The following VPS13D variants were observed in gnomAD, a reference collection of about 807,000 sequenced individuals.
VPS13D encodes the protein intermembrane lipid transfer protein VPS13D.
In VPS13D, 187 loss-of-function variants were observed where a neutral mutation model predicts 461.9. That is an observed-to-expected ratio of 0.40 (90% confidence interval 0.36 to 0.46). VPS13D has a LOEUF of 0.46. VPS13D is among the 20% of genes least tolerant of loss of function. The probability of loss-of-function intolerance (pLI) is 0.60; values close to 1 mark genes in which losing one functional copy is unlikely to be tolerated. For synonymous variants in VPS13D, 1,951 were observed against 1,986.3 expected (o/e 0.98, Z 0.47); for missense variants, 4,711 against 5,364.9 (o/e 0.88, Z 3.81).
At chr1:12,238,535 CTAA>C (rs1055484031) in intron 2 of VPS13D, among the ~76,000 whole-genome samples, 5 of 151,274 alleles carry the variant, frequency 3.3e-5, no homozygotes, top group African/African-American at 9.7e-5. Flanking sequence ...AATTGAGAAA[CTAA>C]TATTATTTAT....
At chr1:12,489,561 A>G (rs1381024985) in intron 67 of VPS13D, among the ~76,000 whole-genome samples, 1 of 152,218 alleles carries the variant, frequency 6.6e-6, no homozygotes, top group Non-Finnish European at 1.5e-5. Context: ...CAAGAAAGCA[A>G]AGGGGAAAGG....
chr1:12,405,384 G>T (rs566155007), intron 63 of VPS13D, among the ~76,000 whole-genome samples: 4 of 152,340 alleles, frequency 2.6e-5, no homozygotes, highest in African/African-American at 9.6e-5. Flanking sequence ...ATGTGGCCGT[G>T]TCTGCCAACT....
In VPS13D at chr1:12,308,355, A is replaced by T. The variant is rs1007773184; in HGVS notation, c.6440-76A>T. 4 of 1,482,656 alleles carry T rather than the reference A, an allele frequency of 2.7e-6. No homozygotes were observed. The African/African-American group carries it at 5.6e-5, about 21-fold the overall frequency. The allele number at this position is 1,482,656 out of a possible 1,614,324, so 91.8% of individuals were successfully genotyped here. ...TTTTCAAAGACAGAATGAGCTTTGC[A>T]TTTTTTATTTGTTTAGTGCAACCCC... On this transcript the variant is annotated intron_variant, in intron 26 of 69. Coordinates refer to ENST00000620676, the MANE Select transcript of VPS13D (RefSeq NM_015378.4).
At chr1:12,434,840 C>G (rs771643671) in intron 65 of VPS13D, among the ~76,000 whole-genome samples, 1 of 152,198 alleles carries the variant, frequency 6.6e-6, no homozygotes, top group Non-Finnish European at 1.5e-5. Flanking sequence ...CAAAAGCCAA[C>G]AACCTGTTTC....
chr1:12,307,214 A>C lies in VPS13D; in HGVS notation c.6440-1217A>C, dbSNP rs552994166. ...CTCCTACAGTGCTACTTATAGACTA[A>C]TGAAAAAGACATTGAGCATTTAAAT... is the stretch of plus-strand genomic sequence containing the variant. On this transcript the variant is annotated intron_variant, in intron 26 of 69. Transcript: ENST00000620676. Among the ~76,000 whole-genome samples, 65 of 152,354 alleles carry C rather than the reference A, an allele frequency of 4.3e-4. 2 individuals are homozygous for C. In the South Asian group the frequency reaches 0.013, roughly 31 times the overall value.
intron 39 of VPS13D, chr1:12,336,033 C>A: frequency 1.7e-6 from 1 of 604,972 alleles, no homozygotes; most frequent in Non-Finnish European, 2.7e-6. Context: ...TGTAATTCCA[C>A]CTTTGCGGGG....
intron 52 of VPS13D, among the ~76,000 whole-genome samples, chr1:12,364,427 A>G (rs907408077): frequency 1.5e-4 from 23 of 152,230 alleles, no homozygotes; most frequent in African/African-American, 4.6e-4. Context: ...ACCTTTGGCT[A>G]TCATGAACTG....
intron 41 of VPS13D, among the ~76,000 whole-genome samples, chr1:12,342,153 A>T (rs2101577095): frequency 6.6e-6 from 1 of 152,328 alleles, no homozygotes; most frequent in East Asian, 1.9e-4. Context: ...AGCAGGAAGT[A>T]TGAAAAAGCC....
intron 69 of VPS13D, among the ~76,000 whole-genome samples, chr1:12,508,379 G>C (rs1462351335): frequency 6.6e-6 from 1 of 152,030 alleles, no homozygotes; most frequent in Non-Finnish European, 1.5e-5. Context: ...AATGTCAGGT[G>C]AGTATGGGTT....
intron 49 of VPS13D, 51 bp downstream of exon 49, chr1:12,356,575 G>A: frequency 6.3e-7 from 1 of 1,594,604 alleles, no homozygotes; most frequent in Non-Finnish European, 8.5e-7. Context: ...GGGAAGGGAA[G>A]AAATTAGTAA....
intron 22 of VPS13D, among the ~76,000 whole-genome samples, chr1:12,289,347 T>C (rs1361496003): frequency 6.6e-6 from 1 of 152,186 alleles, no homozygotes; most frequent in Non-Finnish European, 1.5e-5. Flanking sequence ...CCTCCCAAAG[T>C]GCTGGGATTA....
At chr1:12,492,146 C>T (rs960104377) in intron 67 of VPS13D, among the ~76,000 whole-genome samples, 2 of 152,358 alleles carry the variant, frequency 1.3e-5, no homozygotes, top group African/African-American at 4.8e-5. Context: ...AACAAAGCCA[C>T]CAGGGAGGCC....
At chr1:12,323,586 T>G (rs1643101009) in intron 34 of VPS13D, 120 bp from the exon 35 acceptor site, 1 of 960,924 alleles carries the variant, frequency 1.0e-6, no homozygotes, top group African/African-American at 1.7e-5. Flanking sequence ...CAGTTTTGCT[T>G]AGAGAAATGA....
At chr1:12,287,356 CCTTTTTT>C (rs1165421438) in intron 21 of VPS13D, among the ~76,000 whole-genome samples, 1 of 152,162 alleles carries the variant, frequency 6.6e-6, no homozygotes, top group East Asian at 1.9e-4. Context: ...CTATTACATT[CCTTTTTT>C]CTTTTCCCAT....
chr1:12,363,382 G>A (rs1344593561), intron 52 of VPS13D, 135 bp downstream of exon 52: 2 of 875,886 alleles, frequency 2.3e-6, no homozygotes, highest in African/African-American at 3.4e-5. Context: ...CAAAGTCCAG[G>A]GAAGTGTGAG....
At chr1:12,416,519 A>T in intron 64 of VPS13D, 141 bp from the exon 65 acceptor site, 1 of 892,138 alleles carries the variant, frequency 1.1e-6, no homozygotes, top group Non-Finnish European at 1.7e-6. Flanking sequence ...GTTGATGAAG[A>T]TTAAAAGCTT....
chr1:12,388,864 T>C (rs1644385226), intron 60 of VPS13D, among the ~76,000 whole-genome samples: 1 of 152,112 alleles, frequency 6.6e-6, no homozygotes, highest in Admixed American at 6.6e-5. Flanking sequence ...AAAAAAGATA[T>C]AACATGTTGA....
At chr1:12,470,364 GC>G (rs1016548541) in intron 67 of VPS13D, among the ~76,000 whole-genome samples, 1 of 152,196 alleles carries the variant, frequency 6.6e-6, no homozygotes, top group Non-Finnish European at 1.5e-5. Flanking sequence ...GTAATAACTG[GC>G]ACCTGCCCAC....
chr1:12,325,345 C>T (rs1174456318), intron 35 of VPS13D, among the ~76,000 whole-genome samples: 6 of 152,130 alleles, frequency 3.9e-5, no homozygotes, highest in East Asian at 3.9e-4. Flanking sequence ...CTGCAACCTC[C>T]GCCTCCCAGG....
Sources: gnomAD v4.1 joint callset for allele counts (sites outside exome capture counted in the v4.1 genomes callset) on GRCh38, gnomAD v4.1.1 for gene constraint, MANE v1.5 for transcripts, NCBI Gene and HGNC (gene_info 2026-07-23, HGNC 2026-07-21) for gene names.